The following POLA1 variants were observed in gnomAD, a reference collection of about 807,000 sequenced individuals.
POLA1 encodes the protein DNA polymerase alpha 1, catalytic subunit.
A neutral mutation model predicts 124.0 loss-of-function variants in POLA1; 15 were observed. The observed-to-expected ratio is 0.12, with a 90% CI of 0.08 to 0.19. POLA1 has a LOEUF of 0.19. Among genes scored for constraint, POLA1 ranks in the 10% least tolerant of loss-of-function variants. The probability of loss-of-function intolerance (pLI) is 1.00; values close to 1 mark genes in which losing one functional copy is unlikely to be tolerated. For synonymous variants in POLA1, 408 were observed against 389.4 expected (o/e 1.05, Z -0.56); for missense variants, 886 against 1,103.4 (o/e 0.80, Z 2.79).
chrX:24,979,886 G>C (rs571808133), intron 36 of POLA1, among the ~76,000 whole-genome samples: 14 of 112,092 alleles, frequency 1.2e-4, no homozygotes, highest in Middle Eastern at 9.2e-3. Flanking sequence ...ACTTTAGCAA[G>C]TGTAATAAAA....
rs73469874 is a variant in POLA1 at position 24,771,839 on chromosome X, G to C, written c.2964+22847G>C. 6.0e-3 allele frequency among the ~76,000 whole-genome samples: 668 copies of C among 111,475 alleles called. 4 individuals carry two copies. Among genetic ancestry groups the C allele is most frequent in the African/African-American group, 0.021 (630 of 30,723 alleles). On this transcript the variant is annotated intron_variant, in intron 26 of 36. Transcript: ENST00000379068. ...CAGTTTCATGTGATTCATCCTAATG[G>C]TTTTTATTATTTTTTTCTGGTTATA...
At chrX:24,695,109 T>C (rs1350097312) in intron 1 of POLA1, among the ~76,000 whole-genome samples, 1 of 111,855 alleles carries the variant, frequency 8.9e-6, no homozygotes, top group Non-Finnish European at 1.9e-5. Context: ...GAGACTCCTC[T>C]TAGGTCATGG....
At chrX:24,926,875 A>G (rs1242566257) in intron 35 of POLA1, among the ~76,000 whole-genome samples, 5 of 108,704 alleles carry the variant, frequency 4.6e-5, no homozygotes, top group African/African-American at 1.7e-4. Flanking sequence ...TCTTTTGCCC[A>G]GGCTGGAGTG....
chrX:24,753,621 G>A (rs1932440993), intron 26 of POLA1, among the ~76,000 whole-genome samples: 1 of 111,875 alleles, frequency 8.9e-6, no homozygotes. Flanking sequence ...TCCCAAAGCT[G>A]TAGGATTATA....
At chrX:24,909,809 C>G (rs1442816283) in intron 35 of POLA1, among the ~76,000 whole-genome samples, 3 of 109,933 alleles carry the variant, frequency 2.7e-5, no homozygotes, top group Non-Finnish European at 3.8e-5. Flanking sequence ...GGCATTGAAT[C>G]TATAAATTAC....
chrX:24,885,635 A>G (rs1003431767), intron 34 of POLA1, among the ~76,000 whole-genome samples: 3 of 110,843 alleles, frequency 2.7e-5, no homozygotes, highest in Non-Finnish European at 5.7e-5. Context: ...CCCGGGTTCA[A>G]GCAGTCAGCC....
chrX:24,827,944 A>G (rs1159494891), intron 32 of POLA1, among the ~76,000 whole-genome samples: 1 of 112,027 alleles, frequency 8.9e-6, no homozygotes, highest in East Asian at 2.8e-4. Flanking sequence ...ATCAAGTCAC[A>G]TATTTTCTGT....
chrX:24,982,099 C>G (rs2147289670), intron 36 of POLA1, among the ~76,000 whole-genome samples: 1 of 108,519 alleles, frequency 9.2e-6, no homozygotes, highest in East Asian at 2.9e-4. Flanking sequence ...CATTTAGTGT[C>G]GTGTCTGCCA....
intron 32 of POLA1, among the ~76,000 whole-genome samples, chrX:24,829,543 C>T (rs774818899): frequency 8.9e-6 from 1 of 112,141 alleles, no homozygotes; most frequent in East Asian, 2.8e-4. Context: ...CCCACAAGTC[C>T]CCATCATCAT....
At chrX:24,723,737 A>G (rs1012001466) in intron 11 of POLA1, among the ~76,000 whole-genome samples, 27 of 111,979 alleles carry the variant, frequency 2.4e-4, no homozygotes, top group African/African-American at 8.4e-4. Flanking sequence ...CTGGAGTGCA[A>G]TGGCACAATC....
intron 26 of POLA1, among the ~76,000 whole-genome samples, chrX:24,776,022 A>G (rs1430634565): frequency 8.9e-6 from 1 of 111,816 alleles, no homozygotes; most frequent in Non-Finnish European, 1.9e-5. Flanking sequence ...ATAGAACACC[A>G]CTGTAGCATT....
At chrX:24,708,463 G>A (rs1404660337) in intron 4 of POLA1, among the ~76,000 whole-genome samples, 3 of 75,154 alleles carry the variant, frequency 4.0e-5, no homozygotes, top group Non-Finnish European at 5.0e-5. Context: ...TGGGACAATA[G>A]TGGAGGGAAG....
chrX:24,881,668 T>C (rs1192960460), intron 34 of POLA1, among the ~76,000 whole-genome samples: 1 of 111,341 alleles, frequency 9.0e-6, no homozygotes. Flanking sequence ...CAAAACAAGA[T>C]GGTAAAATAA....
chrX:24,908,271 G>A (rs1016047784), intron 35 of POLA1, among the ~76,000 whole-genome samples: 2 of 109,208 alleles, frequency 1.8e-5, no homozygotes, highest in Non-Finnish European at 3.8e-5. Context: ...TTATTTTAGG[G>A]TACACGTGTA....
chrX:24,921,655 C>T (rs2047617024), intron 35 of POLA1, among the ~76,000 whole-genome samples: 1 of 111,921 alleles, frequency 8.9e-6, no homozygotes, highest in Non-Finnish European at 1.9e-5. Context: ...TTTAACTTAC[C>T]CTACGTTTCC....
chrX:24,808,613 C>A (rs1434601295), intron 26 of POLA1, among the ~76,000 whole-genome samples: 1 of 111,024 alleles, frequency 9.0e-6, no homozygotes, highest in Non-Finnish European at 1.9e-5. Context: ...TTCACCACCC[C>A]CCAGGTAGGA....
intron 26 of POLA1, among the ~76,000 whole-genome samples, chrX:24,809,368 G>A (rs750299018): frequency 9.0e-6 from 1 of 111,487 alleles, no homozygotes; most frequent in Non-Finnish European, 1.9e-5. Context: ...ATCCACGTTC[G>A]TCTTAATTCA....
chrX:24,771,521 G>A (rs2045034850), intron 26 of POLA1, among the ~76,000 whole-genome samples: 1 of 111,534 alleles, frequency 9.0e-6, no homozygotes, highest in South Asian at 3.8e-4. Flanking sequence ...TGCAAGTTAT[G>A]TAACCATGTC....
intron 36 of POLA1, among the ~76,000 whole-genome samples, chrX:24,961,173 A>T (rs949977666): frequency 6.3e-5 from 7 of 110,630 alleles, no homozygotes; most frequent in African/African-American, 2.3e-4. Flanking sequence ...CTTGCCTCCC[A>T]CTACAAAACT....
Sources: gnomAD v4.1 joint callset for allele counts (sites outside exome capture counted in the v4.1 genomes callset) on GRCh38, gnomAD v4.1.1 for gene constraint, MANE v1.5 for transcripts, NCBI Gene and HGNC (gene_info 2026-07-23, HGNC 2026-07-21) for gene names.